TENM1: variants seen among roughly 807,000 people sequenced by gnomAD.
The protein encoded by TENM1 is teneurin transmembrane protein 1, also known as teneurin-1.
TENM1 carries 35 observed loss-of-function variants against 174.8 expected under a neutral mutation model. The observed-to-expected ratio is 0.20, with a 90% confidence interval of 0.15 to 0.27. The LOEUF (loss-of-function observed/expected upper bound fraction) is 0.27, where lower values mean the gene tolerates loss of function less well. Among genes scored for constraint, TENM1 ranks in the 10% least tolerant of loss-of-function variants. The pLI, the probability that TENM1 is intolerant of heterozygous loss-of-function variation, is 1.00. For missense variants in TENM1, 1,633 were observed against 2,130.1 expected (o/e 0.77, Z 4.59); for synonymous variants, 781 against 798.7 (o/e 0.98, Z 0.37).
intron 1 of TENM1, among the ~76,000 whole-genome samples, chrX:124,953,752 T>G (rs992643392): frequency 3.6e-5 from 4 of 111,913 alleles, no homozygotes; most frequent in Admixed American, 9.5e-5. Flanking sequence ...CTTCTGATAT[T>G]ATGTAGATCC....
the TENM1 span, among the ~76,000 whole-genome samples, chrX:125,155,409 A>G: frequency 8.9e-6 from 1 of 112,184 alleles, no homozygotes; most frequent in Non-Finnish European, 1.9e-5. Flanking sequence ...GGCTTCACCC[A>G]GTGGATCTCG....
intron 3 of TENM1, among the ~76,000 whole-genome samples, chrX:124,741,770 A>G (rs1266351933): frequency 8.9e-6 from 1 of 111,882 alleles, no homozygotes; most frequent in East Asian, 2.8e-4. Flanking sequence ...GGTGAGCTGA[A>G]ATAGCTGATG....
At chrX:124,750,347 A>T (rs1446199008) in intron 3 of TENM1, among the ~76,000 whole-genome samples, 1 of 111,680 alleles carries the variant, frequency 9.0e-6, no homozygotes, top group East Asian at 2.8e-4. Flanking sequence ...GACAGAATCA[A>T]ATTAGAGACT....
In TENM1 at chrX:124,757,593, G is replaced by A. The variant is rs189812981; in HGVS notation, c.536-20396C>T. On this transcript the variant is annotated intron_variant, in intron 3 of 31. Transcript: ENST00000422452. ...ATCAGCCGTCTTCTGCGTCGCTCAC[G>A]CTGGGAGCTGTAGACTGGAGATGTT... Among the ~76,000 whole-genome samples the A allele has an allele frequency of 1.8e-4, 20 of 112,329 alleles. 1 individual carries two copies. Among genetic ancestry groups the A allele is most frequent in the Admixed American group, 3.7e-4 (4 of 10,698 alleles).
rs751309444 is a variant in TENM1, at chrX:124,890,321, T to TG, written c.535+3974dup. 9.2e-4 allele frequency among the ~76,000 whole-genome samples: 103 copies of TG among 111,743 alleles called. 1 individual carries two copies. In the Admixed American group the frequency reaches 9.4e-3, roughly 10 times the overall value. Reference sequence around the variant, plus strand: ...TCAATGTGTAGCCAAATGTAACTGCTGAGGGGTACCCTAATCACTGAGGTT... The same window carrying TG: ...TCAATGTGTAGCCAAATGTAACTGCTGGAGGGGTACCCTAATCACTGAGGTT... On this transcript the variant is annotated intron_variant, in intron 3 of 31. Transcript: ENST00000422452.
chrX:124,533,748 G>A (rs954249331), intron 15 of TENM1, among the ~76,000 whole-genome samples: 2 of 111,717 alleles, frequency 1.8e-5, no homozygotes, highest in Non-Finnish European at 3.8e-5. Flanking sequence ...ACTGTCATGC[G>A]GCTGGCCCTG....
intron 21 of TENM1, among the ~76,000 whole-genome samples, chrX:124,482,214 G>A (rs1207820283): frequency 2.7e-5 from 3 of 110,628 alleles, no homozygotes; most frequent in Admixed American, 1.9e-4. Context: ...GGGATAGAAA[G>A]AAACAGAAGA....
At chrX:124,832,395 T>C (rs771135560) in intron 3 of TENM1, among the ~76,000 whole-genome samples, 4 of 112,201 alleles carry the variant, frequency 3.6e-5, no homozygotes, top group Admixed American at 1.9e-4. Flanking sequence ...GTTAGTCTGA[T>C]GAGGTGGTTA....
chrX:124,729,345 T>A (rs1452867488), intron 4 of TENM1, among the ~76,000 whole-genome samples: 1 of 112,276 alleles, frequency 8.9e-6, no homozygotes, highest in African/African-American at 3.2e-5. Context: ...TCATATATTA[T>A]CTCATTCAGT....
At chrX:124,814,328 G>A (rs756048141) in intron 3 of TENM1, among the ~76,000 whole-genome samples, 38 of 111,673 alleles carry the variant, frequency 3.4e-4, no homozygotes, top group East Asian at 1.4e-3. Context: ...TGCTGTTATC[G>A]TCATCACCAT....
chrX:124,898,479 G>A (rs1488741126), intron 1 of TENM1, among the ~76,000 whole-genome samples: 1 of 110,074 alleles, frequency 9.1e-6, no homozygotes, highest in African/African-American at 3.3e-5. Flanking sequence ...TGGATTCAGG[G>A]CACTAACTAG....
intron 3 of TENM1, among the ~76,000 whole-genome samples, chrX:124,886,736 T>TG (rs1695133899): frequency 1.9e-5 from 2 of 103,461 alleles, no homozygotes; most frequent in African/African-American, 6.9e-5. Flanking sequence ...AGGTTTTTTT[T>TG]TTTTTTTTTT....
At chrX:124,709,724 C>T (rs1211561423) in intron 4 of TENM1, among the ~76,000 whole-genome samples, 1 of 111,008 alleles carries the variant, frequency 9.0e-6, no homozygotes, top group Non-Finnish European at 1.9e-5. Context: ...ACCAGATTAG[C>T]ATCAGGTTCT....
chrX:124,505,772 A>G (rs2047434087), intron 18 of TENM1, among the ~76,000 whole-genome samples: 1 of 111,820 alleles, frequency 8.9e-6, no homozygotes, highest in African/African-American at 3.2e-5. Flanking sequence ...AATTTTCTAT[A>G]TAACTCTAGG....
intron 5 of TENM1, among the ~76,000 whole-genome samples, chrX:124,698,380 C>A (rs1288745095): frequency 1.8e-5 from 2 of 111,313 alleles, no homozygotes; most frequent in African/African-American, 6.5e-5. Flanking sequence ...TCTCCTGATA[C>A]ATCTTATTAG....
intron 11 of TENM1, among the ~76,000 whole-genome samples, chrX:124,641,106 C>T (rs2051007489): frequency 2.7e-5 from 3 of 110,852 alleles, no homozygotes; most frequent in South Asian, 7.6e-4. Flanking sequence ...GAGGAAAAGG[C>T]ATGGAGAAAA....
chrX:124,536,721 A>G (rs376933621), intron 15 of TENM1, among the ~76,000 whole-genome samples: 51 of 111,908 alleles, frequency 4.6e-4, no homozygotes, highest in African/African-American at 1.6e-3. Context: ...CTTCATTTAG[A>G]CACATGATTA....
At chrX:124,977,995 A>T in the TENM1 span, among the ~76,000 whole-genome samples, 40 of 99,968 alleles carry the variant, frequency 4.0e-4, no homozygotes, top group Admixed American at 1.0e-3. Context: ...AGAGAGAGAG[A>T]GAGAGAGAGA....
At chrX:124,868,026 G>A (rs1603253453) in intron 3 of TENM1, among the ~76,000 whole-genome samples, 1 of 111,580 alleles carries the variant, frequency 9.0e-6, no homozygotes, top group Admixed American at 9.5e-5. Context: ...TGGACTGGAG[G>A]AAACAATATT....
Sources: allele counts gnomAD v4.1 joint callset (sites outside exome capture counted in the v4.1 genomes callset), GRCh38; gene constraint gnomAD v4.1.1; transcripts MANE v1.5; gene names NCBI Gene and HGNC (gene_info 2026-07-23, HGNC 2026-07-21).